The following MLLT10 variants were observed in gnomAD, a reference collection of about 807,000 sequenced individuals.
The protein encoded by MLLT10 is protein AF-10.
MLLT10 carries 30 observed loss-of-function variants against 129.1 expected under a neutral mutation model. That is an observed-to-expected ratio of 0.23 (90% CI 0.17 to 0.32). The LOEUF (loss-of-function observed/expected upper bound fraction) is 0.32. Ranked by LOEUF, MLLT10 falls within the 10% of genes least tolerant of loss-of-function variation. The pLI is 1.00. For synonymous variants in MLLT10, 490 were observed against 446.4 expected (o/e 1.10, Z -1.23); for missense variants, 1,119 against 1,268.3 (o/e 0.88, Z 1.79).
chr10:21,664,059 T>C (rs1041906514), intron 9 of MLLT10, among the ~76,000 whole-genome samples: 1 of 152,224 alleles, frequency 6.6e-6, no homozygotes. Context: ...TTATGAATTT[T>C]GATATGTTGT....
At chr10:21,718,506 A>G (rs189554697) in intron 14 of MLLT10, among the ~76,000 whole-genome samples, 1 of 152,256 alleles carries the variant, frequency 6.6e-6, no homozygotes, top group Admixed American at 6.5e-5. Flanking sequence ...AGAACTTAAG[A>G]CTGAATGCAA....
intron 8 of MLLT10, among the ~76,000 whole-genome samples, chr10:21,636,006 C>G (rs2047428626): frequency 7.6e-6 from 1 of 131,014 alleles, no homozygotes; most frequent in Non-Finnish European, 1.6e-5. Context: ...TTACTCTTTT[C>G]TTGCTCCTCT....
intron 3 of MLLT10, among the ~76,000 whole-genome samples, chr10:21,570,746 G>C (rs1376423206): frequency 6.6e-6 from 1 of 151,828 alleles, no homozygotes; most frequent in Non-Finnish European, 1.5e-5. Flanking sequence ...CTAGCCTTCT[G>C]ATCATATGAA....
chr10:21,577,152 T>A (rs1429734141), intron 3 of MLLT10, among the ~76,000 whole-genome samples: 2 of 152,222 alleles, frequency 1.3e-5, no homozygotes, highest in Non-Finnish European at 2.9e-5. Flanking sequence ...GTGGCTTCTT[T>A]CTCCTAGCAT....
intron 4 of MLLT10, among the ~76,000 whole-genome samples, chr10:21,588,819 T>G (rs1053942417): frequency 6.6e-6 from 1 of 151,472 alleles, no homozygotes; most frequent in Non-Finnish European, 1.5e-5. Flanking sequence ...TGGTTGTTGA[T>G]CTTTTTCTTT....
In MLLT10 at chr10:21,593,905, G is replaced by A. The variant is rs116786093; in HGVS notation, c.296-1426G>A. 4.3e-3 allele frequency among the ~76,000 whole-genome samples: 500 copies of A among 116,152 alleles called. 7 individuals carry two copies. The highest frequency in any genetic ancestry group is 0.017 in the African/African-American group (474 of 28,724). The allele number at this position is 116,152 out of a possible 152,430, so 76.2% of individuals were successfully genotyped here. ...CATGCCAGTGCAGTCCAGCCTGGGCGACAGACCAAGGCTTTGTCTTTAAAA... is the reference window on the plus strand; with the variant it reads ...CATGCCAGTGCAGTCCAGCCTGGGCAACAGACCAAGGCTTTGTCTTTAAAA... On this transcript the variant is annotated intron_variant, in intron 4 of 22. Transcript: ENST00000307729.
chr10:21,534,317 C>CA lies in MLLT10; in HGVS notation c.-204_-203insA, dbSNP rs1239319613. 2.0e-5 allele frequency: 8 copies of CA among 394,886 alleles called. No individual in the cohort carries two copies. Among genetic ancestry groups the CA allele is most frequent in the Non-Finnish European group, 3.1e-5 (7 of 222,512 alleles). The allele number at this position is 394,886 out of a possible 1,614,324, so 24.5% of individuals were successfully genotyped here. A position where few individuals can be genotyped will look rare whatever the true frequency, so the allele number is the denominator to read the frequency against. ...CTGGCCCAGCGGGAGCCCCCCCTCC[C>CA]CCCAGTGCGCCTGTGCGGAGGCCCT... On this transcript the variant is annotated 5_prime_UTR_variant, in exon 1 of 23. Transcript: ENST00000307729.
intron 3 of MLLT10, among the ~76,000 whole-genome samples, chr10:21,576,177 G>A (rs1304010596): frequency 5.3e-5 from 8 of 151,526 alleles, no homozygotes; most frequent in Non-Finnish European, 1.0e-4. Flanking sequence ...TCAAGTGCCC[G>A]CCTTGGCATC....
At chr10:21,717,815 T>TCC (rs1564712013) in intron 14 of MLLT10, among the ~76,000 whole-genome samples, 56 of 143,202 alleles carry the variant, frequency 3.9e-4, no homozygotes, top group African/African-American at 1.4e-3. Context: ...CTTCTTCTCC[T>TCC]TCTTCTCCTC....
At chr10:21,546,715 C>T (rs1277819382) in intron 3 of MLLT10, among the ~76,000 whole-genome samples, 1 of 151,666 alleles carries the variant, frequency 6.6e-6, no homozygotes, top group African/African-American at 2.4e-5. Context: ...TTGCAGGTGC[C>T]CGCCACTGTG....
intron 13 of MLLT10, among the ~76,000 whole-genome samples, chr10:21,713,376 A>T (rs2056281235): frequency 6.6e-6 from 1 of 152,162 alleles, no homozygotes; most frequent in Non-Finnish European, 1.5e-5. Context: ...TTCCTCAGTG[A>T]TGATTTCTGG....
At chr10:21,663,876 C>T (rs2050471211) in intron 9 of MLLT10, among the ~76,000 whole-genome samples, 1 of 152,060 alleles carries the variant, frequency 6.6e-6, no homozygotes, top group Non-Finnish European at 1.5e-5. Context: ...TAGCAGTTTG[C>T]CCTGTGACCT....
intron 3 of MLLT10, among the ~76,000 whole-genome samples, chr10:21,580,734 C>T (rs1400210548): frequency 2.0e-5 from 3 of 151,270 alleles, no homozygotes; most frequent in African/African-American, 7.3e-5. Flanking sequence ...CAGAGTCTTG[C>T]ACTGTCGCCT....
intron 17 of MLLT10, among the ~76,000 whole-genome samples, chr10:21,731,837 A>C (rs2057995436): frequency 6.6e-6 from 1 of 152,152 alleles, no homozygotes; most frequent in African/African-American, 2.4e-5. Flanking sequence ...GGTGGTTTTC[A>C]TCATTTTCGA....
At chr10:21,617,081 T>C (rs754479109) in intron 7 of MLLT10, 31 bp from the exon 8 acceptor site, 9 of 1,066,612 alleles carry the variant, frequency 8.4e-6, no homozygotes, top group Admixed American at 7.8e-5. Flanking sequence ...TATATACATA[T>C]ACATATATGT....
At chr10:21,730,435 A>G (rs1230915644) in intron 16 of MLLT10, among the ~76,000 whole-genome samples, 1 of 152,134 alleles carries the variant, frequency 6.6e-6, no homozygotes, top group African/African-American at 2.4e-5. Context: ...TTTTAGTGAC[A>G]TTTGAGATTT....
intron 5 of MLLT10, among the ~76,000 whole-genome samples, chr10:21,602,132 C>T (rs902600309): frequency 1.3e-5 from 2 of 152,108 alleles, no homozygotes; most frequent in African/African-American, 4.8e-5. Context: ...GCTATTTTCA[C>T]CTAGACAAAC....
At chr10:21,610,024 T>C (rs1314731236) in intron 5 of MLLT10, among the ~76,000 whole-genome samples, 1 of 152,156 alleles carries the variant, frequency 6.6e-6, no homozygotes, top group African/African-American at 2.4e-5. Context: ...TACAGTCCCC[T>C]TAAGTGTACA....
intron 17 of MLLT10, among the ~76,000 whole-genome samples, chr10:21,732,426 G>A (rs1001122456): frequency 6.6e-5 from 10 of 152,276 alleles, no homozygotes; most frequent in African/African-American, 1.4e-4. Flanking sequence ...CCTGCCAGGC[G>A]TCTGATGGCA....
Sources: gnomAD v4.1 joint callset for allele counts (sites outside exome capture counted in the v4.1 genomes callset) on GRCh38, gnomAD v4.1.1 for gene constraint, MANE v1.5 for transcripts, NCBI Gene and HGNC (gene_info 2026-07-23, HGNC 2026-07-21) for gene names.